Variants in PIK3R5 observed in about 807,000 individuals in gnomAD.
PIK3R5 encodes phosphoinositide-3-kinase regulatory subunit 5.
A neutral mutation model predicts 94.9 loss-of-function variants in PIK3R5; 32 were observed. The ratio of observed to expected loss-of-function variants is 0.34; its 90% CI spans 0.25 to 0.45. PIK3R5 has a LOEUF of 0.45. PIK3R5 is among the 20% of genes least tolerant of loss of function. The pLI is 1.00. For synonymous variants in PIK3R5, 443 were observed against 479.4 expected, an observed-to-expected ratio of 0.92 and a Z score of 0.99; for missense variants, 853 against 1,144.6, an observed-to-expected ratio of 0.75 and a Z score of 3.68.
intron 3 of PIK3R5, among the ~76,000 whole-genome samples, chr17:8,906,251 G>A (rs1237946088): frequency 2.6e-5 from 4 of 152,062 alleles, no homozygotes; most frequent in African/African-American, 4.8e-5. Flanking sequence ...GAGAACATGC[G>A]GTGTTTGGTT....
intron 1 of PIK3R5, among the ~76,000 whole-genome samples, chr17:8,949,002 C>T (rs1035095750): frequency 6.6e-6 from 1 of 152,106 alleles, no homozygotes; most frequent in African/African-American, 2.4e-5. Context: ...CCCGAGATAA[C>T]ATTTCAGGAA....
At position 8,935,788 on chromosome 17, in the gene PIK3R5, CTCACGCT is replaced by C. The variant is rs2091062147; in HGVS notation, c.-13-24288_-13-24282del. ...AAGAAGACAAGGCCACGCATGGTGG[CTCACGCT>C]TGTAATCCCAGCACTTTGGGAGGCT... On this transcript the variant is annotated intron_variant, in intron 1 of 18. Transcript: ENST00000447110. The surrounding 1 kb of genome is among the most constrained non-coding windows in gnomAD (Gnocchi z 4.5). 6.6e-6 allele frequency among the ~76,000 whole-genome samples: 1 copy of C among 152,134 alleles called. No individual in the cohort carries two copies. The highest frequency in any genetic ancestry group is 6.5e-5 in the Admixed American group (1 of 15,276).
chr17:8,903,766 T>TA (rs1264889374), intron 5 of PIK3R5, among the ~76,000 whole-genome samples: 3 of 152,152 alleles, frequency 2.0e-5, no homozygotes, highest in East Asian at 1.9e-4. Context: ...TGCTGGTTTA[T>TA]AAAAAAAGCT....
chr17:8,890,602 C>T lies in PIK3R5; in HGVS notation c.657+136G>A. 1 of 802,012 alleles carries T rather than the reference C, an allele frequency of 1.2e-6. No individual in the cohort carries two copies. Among genetic ancestry groups the T allele is most frequent in the Non-Finnish European group, 1.9e-6 (1 of 520,440 alleles). The allele number at this position is 802,012 out of a possible 1,614,324, so 49.7% of individuals were successfully genotyped here. A position where few individuals can be genotyped will look rare whatever the true frequency, so the allele number is the denominator to read the frequency against. ...AACACCCTCTATGAGGTCAGCCCTC[C>T]AGCCACCACCCTGCCATGTCACCTG... On this transcript the variant is annotated intron_variant, in intron 7 of 18. Transcript: ENST00000447110. The surrounding 1 kb of genome is among the most constrained non-coding windows in gnomAD (Gnocchi z 6.1).
chr17:8,930,198 A>C (rs191003157), intron 1 of PIK3R5, among the ~76,000 whole-genome samples: 56 of 152,340 alleles, frequency 3.7e-4, no homozygotes, highest in African/African-American at 1.3e-3. Context: ...GCCTTAAAAC[A>C]ACCAAACTTT....
At chr17:8,907,928 G>A (rs2090431465) in intron 3 of PIK3R5, among the ~76,000 whole-genome samples, 2 of 152,236 alleles carry the variant, frequency 1.3e-5, no homozygotes, top group Middle Eastern at 3.2e-3. Context: ...ACAAGCCACT[G>A]TACCTGGCCT....
chr17:8,965,001 C>CCCCA (rs111241313), intron 1 of PIK3R5, among the ~76,000 whole-genome samples: 2 of 150,696 alleles, frequency 1.3e-5, no homozygotes, highest in Non-Finnish European at 3.0e-5. Context: ...ATGCGCATGC[C>CCCCA]CACACACACA....
At chr17:8,933,142 T>A (rs2091015866) in intron 1 of PIK3R5, among the ~76,000 whole-genome samples, 1 of 152,168 alleles carries the variant, frequency 6.6e-6, no homozygotes, top group Non-Finnish European at 1.5e-5. Context: ...AAATTCTATA[T>A]CCAGTGGAAA....
chr17:8,918,223 A>G (rs2090667336), intron 1 of PIK3R5, among the ~76,000 whole-genome samples: 1 of 152,216 alleles, frequency 6.6e-6, no homozygotes, highest in Non-Finnish European at 1.5e-5. Flanking sequence ...TCTAAATACC[A>G]TTTTCCAATA....
At chr17:8,902,832 A>G (rs906002877) in intron 5 of PIK3R5, among the ~76,000 whole-genome samples, 1 of 140,854 alleles carries the variant, frequency 7.1e-6, no homozygotes, top group African/African-American at 2.7e-5. Context: ...TCTTAATTTT[A>G]TTTTTTAGAT....
In PIK3R5 at chr17:8,880,636, A is replaced by G; in HGVS notation, c.*3T>C. On this transcript the variant is annotated 3_prime_UTR_variant, in exon 19 of 19. Coordinates refer to ENST00000447110, the MANE Select transcript of PIK3R5 (RefSeq NM_001142633.3). ...TTCTGTCCAGTCTGGCGCTGGGCCC[A>G]CACTAGGGCAGAGCTCCACTGAAAG... 2 of 1,602,942 alleles carry G rather than the reference A, an allele frequency of 1.2e-6. No homozygotes were observed. The highest frequency in any genetic ancestry group is 1.7e-5 in the Admixed American group (1 of 58,802).
Position 8,880,681 on chromosome 17 carries a change from A to T in PIK3R5, c.2601T>A (p.Leu867=). Residue 867 remains leucine, a synonymous_variant, in exon 19 of 19, where the codon CTT becomes CTA. Coordinates refer to ENST00000447110, the MANE Select transcript of PIK3R5 (RefSeq NM_001142633.3). ...PAQAAPDLCS[L]LCLPIMTFSG... Reference sequence around the variant, plus strand: ...TGAAAGTCATGATGGGCAGGCAGAGAAGGGAGCAGAGATCAGGTGCGGCCT... The same window carrying T: ...TGAAAGTCATGATGGGCAGGCAGAGTAGGGAGCAGAGATCAGGTGCGGCCT... 6.2e-7 allele frequency: 1 copy of T among 1,613,500 alleles called. No homozygotes were observed. Among genetic ancestry groups the T allele is most frequent in the Non-Finnish European group, 8.5e-7 (1 of 1,179,758 alleles).
At position 8,911,468 on chromosome 17, in the gene PIK3R5, C is replaced by T. The variant is rs140979569; in HGVS notation, c.27G>A (p.Thr9=). The T allele has an allele frequency of 2.3e-5, 36 of 1,599,590 alleles. No homozygotes were observed. Among genetic ancestry groups the T allele is most frequent in the East Asian group, 8.9e-5 (4 of 44,892 alleles). The change falls in exon 2 of 19, where the codon ACG becomes ACA. Residue 9 remains threonine, a synonymous_variant. Transcript: ENST00000447110. The surrounding 1 kb of genome is among the most constrained non-coding windows in gnomAD (Gnocchi z 5.3). ...CCAGGGCATGCTGGATGCGGTCCTCCGTGCATGTCGTGGCCCCTGGCTGCA... is the reference window on the plus strand; with the variant it reads ...CCAGGGCATGCTGGATGCGGTCCTCTGTGCATGTCGTGGCCCCTGGCTGCA... The part of the protein sequence containing the change: MQPGATTC[T]EDRIQHALER...
rs61761137 is a variant in PIK3R5 at position 8,881,043 on chromosome 17, C to T, written c.2383-26G>A. The T allele has an allele frequency of 5.4e-3, 8,477 of 1,568,744 alleles. 376 individuals carry two copies. In the African/African-American group the frequency reaches 0.098, roughly 18 times the overall value. ...CTGGAAGGAAGGCCCAGGTCAGCCCCAAATCCCTGGCCATCCAACACTGCC... is the reference window on the plus strand; with the variant it reads ...CTGGAAGGAAGGCCCAGGTCAGCCCTAAATCCCTGGCCATCCAACACTGCC... On this transcript the variant is annotated intron_variant, in intron 17 of 18. Transcript: ENST00000447110. The surrounding 1 kb of genome is among the most constrained non-coding windows in gnomAD (Gnocchi z 4.8).
rs192280182 is a variant in PIK3R5 at position 8,882,895 on chromosome 17, T to C, written c.2206-1014A>G. ...CTGCCCTAATTTCTCTTCTGGACCA[T>C]GGCAACAGCCTCCTAACTGGCCTTC... is the stretch of plus-strand genomic sequence containing the variant. On this transcript the variant is annotated intron_variant, in intron 15 of 18. Transcript: ENST00000447110. This position sits in a 1 kb window ranked among gnomAD's most constrained non-coding sequence, Gnocchi z 4.1. Among the ~76,000 whole-genome samples the C allele has an allele frequency of 8.5e-5, 13 of 152,314 alleles. 1 individual carries two copies. The East Asian group carries it at 1.9e-3, about 23-fold the overall frequency.
At chr17:8,910,966 C>G (rs1480977087) in intron 2 of PIK3R5, among the ~76,000 whole-genome samples, 1 of 152,176 alleles carries the variant, frequency 6.6e-6, no homozygotes, top group Non-Finnish European at 1.5e-5. Context: ...CTCCTGCTCT[C>G]TGCAGCTCTG....
intron 1 of PIK3R5, among the ~76,000 whole-genome samples, chr17:8,934,936 C>T (rs2091046814): frequency 6.6e-6 from 1 of 152,162 alleles, no homozygotes; most frequent in African/African-American, 2.4e-5. Flanking sequence ...CTTCTCTAGT[C>T]AGTCTCAAAC....
intron 1 of PIK3R5, among the ~76,000 whole-genome samples, chr17:8,948,656 C>A (rs11078771): frequency 6.6e-6 from 1 of 151,748 alleles, no homozygotes; most frequent in South Asian, 2.1e-4. Context: ...ATGAAAAAGG[C>A]AAAAAAAAGC....
chr17:8,885,676 GGCCCTGCCTCCTA>G lies in PIK3R5; in HGVS notation c.2128+540_2128+552del, dbSNP rs1312636801. 7.2e-3 allele frequency among the ~76,000 whole-genome samples: 419 copies of G among 57,886 alleles called. 14 individuals are homozygous for G. Among genetic ancestry groups the G allele is most frequent in the Middle Eastern group, 0.045 (2 of 44 alleles). The allele number at this position is 57,886 out of a possible 152,430, so 38.0% of individuals were successfully genotyped here. ...CCTCCCCAGGGCCCCGCCTCCCCATGGCCCTGCCTCCTAGGTAACCCCGCCCTCCCATGGCCCC... is the reference window on the plus strand; with the variant it reads ...CCTCCCCAGGGCCCCGCCTCCCCATGGGTAACCCCGCCCTCCCATGGCCCC... On this transcript the variant is annotated intron_variant, in intron 14 of 18. Coordinates refer to ENST00000447110, the MANE Select transcript of PIK3R5 (RefSeq NM_001142633.3).
Sources: allele counts gnomAD v4.1 joint callset (sites outside exome capture counted in the v4.1 genomes callset), GRCh38; gene constraint gnomAD v4.1.1; non-coding constraint Gnocchi (gnomAD v3.1); transcripts MANE v1.5; gene names NCBI Gene and HGNC (gene_info 2026-07-23, HGNC 2026-07-21).